Variants in HHIP observed in about 807,000 individuals in gnomAD.
The protein encoded by HHIP is hedgehog interacting protein.
HHIP carries 12 observed loss-of-function variants against 74.0 expected under a neutral mutation model. The ratio of observed to expected loss-of-function variants is 0.16; its 90% CI spans 0.10 to 0.26. The LOEUF is 0.26. Among genes scored for constraint, HHIP ranks in the 10% least tolerant of loss-of-function variants. HHIP has a pLI of 1.00. For synonymous variants in HHIP, 309 were observed against 311.6 expected, an observed-to-expected ratio of 0.99 and a Z score of 0.09; for missense variants, 788 against 845.0, an observed-to-expected ratio of 0.93 and a Z score of 0.84.
chr4:144,684,232 ATTTTTTTTTTTTTTTTTTT>A (rs1174297815), intron 4 of HHIP, among the ~76,000 whole-genome samples: 75 of 62,986 alleles, frequency 1.2e-3, no homozygotes, highest in African/African-American at 2.2e-3. Context: ...AAAAAAAAGA[ATTTTTTTTTTTTTTTTTTT>A]TTTTTTTTTT....
In HHIP at chr4:144,659,838, G is replaced by T; in HGVS notation, c.831G>T (p.Lys277Asn). ...ACAAACTTGTTCAAAGTGGAATAAA[G>T]GTTGGCTTTTTAAATTTTATTTATT... ...DIHKLVQSGIKGGDERGLLSL... is the reference protein window; with the variant it reads ...DIHKLVQSGINGGDERGLLSL... The change falls in exon 4 of 13, where the codon AAG (lysine) becomes AAT (asparagine). Residue 277 changes from lysine (K) to asparagine (N), a missense_variant and splice_region_variant. Around this residue, in one of 3 missense-constraint regions of HHIP, gnomAD observed 373 missense variants for 366.4 expected, o/e 1.02. Coordinates refer to ENST00000296575, the MANE Select transcript of HHIP (RefSeq NM_022475.3). 1 of 1,610,058 alleles carries T rather than the reference G, an allele frequency of 6.2e-7. No homozygotes were observed. Among genetic ancestry groups the T allele is most frequent in the Non-Finnish European group, 8.5e-7 (1 of 1,177,880 alleles).
intron 4 of HHIP, among the ~76,000 whole-genome samples, chr4:144,696,952 G>A (rs1729837333): frequency 6.6e-6 from 1 of 151,956 alleles, no homozygotes; most frequent in Non-Finnish European, 1.5e-5. Context: ...GTCTATTGGA[G>A]ACTTGCTCCT....
chr4:144,700,129 T>C (rs532781620), intron 4 of HHIP, among the ~76,000 whole-genome samples: 1 of 152,354 alleles, frequency 6.6e-6, no homozygotes, highest in Non-Finnish European at 1.5e-5. Context: ...TTTTATCAAA[T>C]GGTCTTCTCT....
intron 7 of HHIP, among the ~76,000 whole-genome samples, chr4:144,709,241 T>C (rs1223658647): frequency 3.9e-5 from 6 of 152,212 alleles, no homozygotes; most frequent in Admixed American, 3.9e-4. Context: ...CTACAGTTCA[T>C]TTCCTTTTTG....
intron 4 of HHIP, chr4:144,660,190 T>C (rs939554179): frequency 1.9e-4 from 61 of 328,624 alleles, no homozygotes; most frequent in Non-Finnish European, 3.2e-4. Context: ...CAAAGAGGTC[T>C]TTTGGTTATT....
Position 144,701,325 on chromosome 4 carries a change from T to TTC in HHIP, c.832-5205_832-5204insCT, listed in dbSNP as rs202187067. On this transcript the variant is annotated intron_variant, in intron 4 of 12. Transcript: ENST00000296575. Reference sequence around the variant, plus strand: ...TTATGTAATTAAGCTGTTTTTTTCTTTTTTTTTTTTTAGCAAGTTTTAGAG... The same window carrying TTC: ...TTATGTAATTAAGCTGTTTTTTTCTTTCTTTTTTTTTTTAGCAAGTTTTAGAG... Among the ~76,000 whole-genome samples, 615 of 149,250 alleles carry TTC rather than the reference T, an allele frequency of 4.1e-3. 6 individuals are homozygous for TTC. The highest frequency in any genetic ancestry group is 0.013 in the African/African-American group (532 of 40,828).
At chr4:144,727,161 G>A (rs1367406489) in intron 11 of HHIP, among the ~76,000 whole-genome samples, 1 of 152,188 alleles carries the variant, frequency 6.6e-6, no homozygotes, top group Non-Finnish European at 1.5e-5. Flanking sequence ...CAAGAGCAGG[G>A]TACCAGCATG....
intron 6 of HHIP, 90 bp from the exon 7 acceptor site, chr4:144,708,078 T>C (rs1231615702): frequency 1.5e-6 from 2 of 1,372,820 alleles, no homozygotes; most frequent in Non-Finnish European, 2.0e-6. Flanking sequence ...GGGATGATTT[T>C]TTCATCAATA....
chr4:144,695,465 T>C (rs1383777648), intron 4 of HHIP, among the ~76,000 whole-genome samples: 1 of 151,766 alleles, frequency 6.6e-6, no homozygotes, highest in East Asian at 1.9e-4. Context: ...TCACAGCTAA[T>C]TGCTACTATC....
chr4:144,666,154 G>T (rs1269620009), intron 4 of HHIP, among the ~76,000 whole-genome samples: 2 of 151,932 alleles, frequency 1.3e-5, no homozygotes, highest in East Asian at 3.9e-4. Context: ...CTCATAAAAA[G>T]AAAATATCAA....
At chr4:144,678,979 A>G (rs1729255255) in intron 4 of HHIP, among the ~76,000 whole-genome samples, 1 of 152,182 alleles carries the variant, frequency 6.6e-6, no homozygotes, top group East Asian at 1.9e-4. Flanking sequence ...TGGTTGAACT[A>G]ATTTACACTC....
chr4:144,704,112 T>C (rs890199422), intron 4 of HHIP, among the ~76,000 whole-genome samples: 2 of 152,226 alleles, frequency 1.3e-5, no homozygotes, highest in African/African-American at 4.8e-5. Context: ...GGAATCCTGT[T>C]ATATAATTTT....
Position 144,712,028 on chromosome 4 carries a change from A to G in HHIP, c.1380A>G (p.Arg460=). 3 of 1,612,652 alleles carry G rather than the reference A, an allele frequency of 1.9e-6. No homozygotes were observed. The highest frequency in any genetic ancestry group is 2.5e-6 in the Non-Finnish European group (3 of 1,178,806). The change falls in exon 8 of 13, where the codon AGA becomes AGG. Residue 460 remains arginine (R), a synonymous_variant. Transcript: ENST00000296575. ...GTTCAGACTCCAATGGAAAAAACAGATCATCAGCCAGAATTCTACAGATAA... is the reference window on the plus strand; with the variant it reads ...GTTCAGACTCCAATGGAAAAAACAGGTCATCAGCCAGAATTCTACAGATAA... The part of the protein sequence containing the change: ...ILCSDSNGKN[R]SSARILQIIK...
chr4:144,647,425 G>A lies in HHIP; in HGVS notation c.279+471G>A, dbSNP rs150386840. Among the ~76,000 whole-genome samples the A allele has an allele frequency of 2.3e-4, 35 of 152,312 alleles. 1 individual carries two copies. The highest frequency in any genetic ancestry group is 1.7e-3 in the East Asian group (9 of 5,178). ...GGATGTTGAAGCATGGTTGGTTTAT[G>A]ATCCCCAGCCCCGTCAGAGGGGGGT... On this transcript the variant is annotated intron_variant, in intron 1 of 12. Transcript: ENST00000296575.
rs1182676360 is a variant in HHIP at position 144,646,864 on chromosome 4, T to C, written c.189T>C (p.Ser63=). ...TGATGTCCCAGCTGGAGCTGCTGAG[T>C]GGGGGAGAGATGCTGTGCGGTGGCT... ...RRMMSQLELL[S]GGEMLCGGFY... is the part of the protein sequence containing the mutation. The change falls in exon 1 of 13, where the codon AGT becomes AGC. Residue 63 remains serine, a synonymous_variant. Coordinates refer to ENST00000296575, the MANE Select transcript of HHIP (RefSeq NM_022475.3). 6.2e-7 allele frequency: 1 copy of C among 1,613,812 alleles called. No homozygotes were observed. Among genetic ancestry groups the C allele is most frequent in the Non-Finnish European group, 8.5e-7 (1 of 1,179,924 alleles).
chr4:144,720,679 C>T lies in HHIP; in HGVS notation c.1760+1723C>T, dbSNP rs557564754. On this transcript the variant is annotated intron_variant, in intron 11 of 12. Coordinates refer to ENST00000296575, the MANE Select transcript of HHIP (RefSeq NM_022475.3). ...GGTGAGTCATGTCATGTGGGGGGCC[C>T]GGGTTAAGATTTGTGTTTGCTTTTC... 7.5e-4 allele frequency among the ~76,000 whole-genome samples: 114 copies of T among 151,852 alleles called. 1 individual carries two copies. The South Asian group carries it at 0.022, about 30-fold the overall frequency.
At chr4:144,720,143 C>T (rs566863352) in intron 11 of HHIP, among the ~76,000 whole-genome samples, 2 of 152,234 alleles carry the variant, frequency 1.3e-5, no homozygotes, top group East Asian at 1.9e-4. Context: ...AAATACCCAT[C>T]TATATACTAT....
rs1731346764 is a variant in HHIP at position 144,745,139 on chromosome 4, G to A, written c.*7182G>A. ...GGATTTAATGATTTCTAGGTGAAAAGGACGTTTAAGTGTACAATTTCTTTT... is the reference window on the plus strand; with the variant it reads ...GGATTTAATGATTTCTAGGTGAAAAAGACGTTTAAGTGTACAATTTCTTTT... On this transcript the variant is annotated 3_prime_UTR_variant, in exon 13 of 13. Transcript: ENST00000296575. The A allele has an allele frequency of 6.6e-6, 1 of 152,240 alleles. No individual in the cohort carries two copies. The highest frequency in any genetic ancestry group is 2.1e-4 in the South Asian group (1 of 4,834). 9.4% of individuals were successfully genotyped at this position (152,240 alleles called of 1,614,324 possible). A position where few individuals can be genotyped will look rare whatever the true frequency, so the allele number is the denominator to read the frequency against.
intron 1 of HHIP, among the ~76,000 whole-genome samples, chr4:144,651,146 A>G (rs1728418603): frequency 6.6e-6 from 1 of 152,174 alleles, no homozygotes; most frequent in Non-Finnish European, 1.5e-5. Context: ...GATAAAAGGC[A>G]TTTAAAACAT....
Sources: allele counts gnomAD v4.1 joint callset (sites outside exome capture counted in the v4.1 genomes callset), GRCh38; gene constraint gnomAD v4.1.1; regional missense constraint gnomAD v4.1.1; transcripts MANE v1.5; gene names NCBI Gene and HGNC (gene_info 2026-07-23, HGNC 2026-07-21).